Variants in SAMD5 observed in about 807,000 individuals in gnomAD.
The protein encoded by SAMD5 is sterile alpha motif domain containing 5.
SAMD5 carries 13 observed loss-of-function variants against 11.3 expected under a neutral mutation model. That is an observed-to-expected ratio of 1.15 (90% CI 0.75 to 1.83). SAMD5 has a LOEUF of 1.83. SAMD5 is among the 40% of genes most tolerant of loss of function. SAMD5 has a pLI of 0.00. For synonymous variants in SAMD5, 129 were observed against 111.3 expected (o/e 1.16, Z -1.00); for missense variants, 255 against 239.1 (o/e 1.07, Z -0.44).
the SAMD5 span, among the ~76,000 whole-genome samples, chr6:147,804,827 C>A: frequency 6.6e-6 from 1 of 152,162 alleles, no homozygotes; most frequent in African/African-American, 2.4e-5. Flanking sequence ...TGGATTGCTC[C>A]CAGCATATAA....
the SAMD5 span, among the ~76,000 whole-genome samples, chr6:147,920,029 A>G: frequency 6.6e-6 from 1 of 152,212 alleles, no homozygotes; most frequent in East Asian, 1.9e-4. Flanking sequence ...ACTGACCTTA[A>G]AAATCATTTT....
chr6:147,749,912 A>C, the SAMD5 span, among the ~76,000 whole-genome samples: 1 of 152,080 alleles, frequency 6.6e-6, no homozygotes, highest in Non-Finnish European at 1.5e-5. Flanking sequence ...CTTAAATAAA[A>C]CCCGCTTATT....
At chr6:147,633,354 C>T (rs1258298255) in intron 1 of SAMD5, among the ~76,000 whole-genome samples, 1 of 152,084 alleles carries the variant, frequency 6.6e-6, no homozygotes, top group South Asian at 2.1e-4. Context: ...TTTCCTGACC[C>T]GAGGGCTCTT....
the SAMD5 span, among the ~76,000 whole-genome samples, chr6:147,926,820 T>C: frequency 6.6e-6 from 1 of 152,210 alleles, no homozygotes; most frequent in Non-Finnish European, 1.5e-5. Context: ...TACATTTAAG[T>C]CTTTAATCCA....
intron 1 of SAMD5, among the ~76,000 whole-genome samples, chr6:147,555,550 G>A (rs574184048): frequency 2.0e-4 from 30 of 152,230 alleles, no homozygotes; most frequent in Middle Eastern, 3.4e-3. Flanking sequence ...GCTACCTTGG[G>A]TGGTGATATT....
At chr6:147,513,172 C>T (rs1788115673) in intron 1 of SAMD5, among the ~76,000 whole-genome samples, 2 of 152,164 alleles carry the variant, frequency 1.3e-5, no homozygotes, top group Non-Finnish European at 2.9e-5. Context: ...GGCAGCTGGT[C>T]TTGGGTGGCC....
At chr6:147,827,391 A>G in the SAMD5 span, among the ~76,000 whole-genome samples, 4,385 of 152,258 alleles carry the variant, frequency 0.029, 73 homozygotes, top group Middle Eastern at 0.048. Context: ...CAGTAAGTCA[A>G]CTGAGAAAAA....
chr6:147,896,874 A>G, the SAMD5 span, among the ~76,000 whole-genome samples: 1 of 152,062 alleles, frequency 6.6e-6, no homozygotes, highest in Non-Finnish European at 1.5e-5. Context: ...CAGAGCATGG[A>G]CGAACCTCAA....
the SAMD5 span, among the ~76,000 whole-genome samples, chr6:147,855,117 C>T: frequency 3.9e-5 from 6 of 152,012 alleles, no homozygotes; most frequent in East Asian, 1.9e-4. Context: ...CTGCATTATA[C>T]GGTATAAATG....
chr6:147,587,024 C>T (rs1789384236), intron 1 of SAMD5, among the ~76,000 whole-genome samples: 1 of 152,018 alleles, frequency 6.6e-6, no homozygotes, highest in Non-Finnish European at 1.5e-5. Flanking sequence ...CAGTGAATAT[C>T]AACAAAATGA....
chr6:147,865,628 T>C, the SAMD5 span, among the ~76,000 whole-genome samples: 1 of 152,156 alleles, frequency 6.6e-6, no homozygotes, highest in African/African-American at 2.4e-5. Flanking sequence ...GATGCTTTCC[T>C]GACATTTTCT....
At chr6:147,854,371 A>ACC in the SAMD5 span, among the ~76,000 whole-genome samples, 57 of 152,302 alleles carry the variant, frequency 3.7e-4, no homozygotes, top group South Asian at 0.012. Context: ...GGTCACAGGG[A>ACC]CCCACTATAT....
chr6:147,682,159 C>T (rs1036700647), intron 1 of SAMD5, among the ~76,000 whole-genome samples: 1 of 152,114 alleles, frequency 6.6e-6, no homozygotes, highest in Non-Finnish European at 1.5e-5. Context: ...CCTGGGATCC[C>T]CCTCTTCCTC....
At position 147,568,019 on chromosome 6, in the gene SAMD5, C is replaced by T. The variant is rs967483226; in HGVS notation, c.*3563C>T. 23 of 985,396 alleles carry T rather than the reference C, an allele frequency of 2.3e-5. No individual in the cohort carries two copies. Among genetic ancestry groups the T allele is most frequent in the Non-Finnish European group, 2.8e-5 (23 of 829,928 alleles). 61.0% of individuals were successfully genotyped at this position (985,396 alleles called of 1,614,324 possible). On this transcript the variant is annotated 3_prime_UTR_variant, in exon 2 of 2. Coordinates refer to ENST00000367474, the MANE Select transcript of SAMD5 (RefSeq NM_001030060.3). The stretch of plus-strand genomic sequence containing the variant: ...ATGGACAGATTATATGAAGGTATTT[C>T]ATTAGCTTTCTTCTCTTTATGGCAG...
the SAMD5 span, among the ~76,000 whole-genome samples, chr6:147,777,765 AT>A: frequency 0.015 from 2,326 of 152,260 alleles, 52 homozygotes; most frequent in East Asian, 0.061. Flanking sequence ...ATCATACAAT[AT>A]TTGTGTGTTT....
the SAMD5 span, among the ~76,000 whole-genome samples, chr6:147,950,053 A>C: frequency 6.6e-6 from 1 of 152,224 alleles, no homozygotes; most frequent in Non-Finnish European, 1.5e-5. Flanking sequence ...ACTTCAAAAA[A>C]CAGATAGAAA....
In SAMD5 at chr6:147,515,275, G is replaced by A. The variant is rs150516421; in HGVS notation, c.459+5888G>A. Among the ~76,000 whole-genome samples the A allele has an allele frequency of 4.8e-5, 7 of 146,816 alleles. No homozygotes were observed. In the East Asian group the frequency reaches 6.3e-4, roughly 13 times the overall value. On this transcript the variant is annotated intron_variant, in intron 1 of 1. Transcript: ENST00000367474. Reference sequence around the variant, plus strand: ...CAGGAAGGAGACAAGAGCTTTGATGGTGTGGGGACTTCTGCCTTTGTGTAC... The same window carrying A: ...CAGGAAGGAGACAAGAGCTTTGATGATGTGGGGACTTCTGCCTTTGTGTAC...
chr6:147,869,947 C>T, the SAMD5 span, among the ~76,000 whole-genome samples: 1 of 152,074 alleles, frequency 6.6e-6, no homozygotes, highest in East Asian at 1.9e-4. Context: ...AACTCCTGGG[C>T]TCAAGTGATC....
chr6:147,822,292 C>A, the SAMD5 span, among the ~76,000 whole-genome samples: 2 of 152,142 alleles, frequency 1.3e-5, no homozygotes, highest in Non-Finnish European at 2.9e-5. Context: ...TATTATTTGA[C>A]AATTGTTATT....
Sources: allele counts gnomAD v4.1 joint callset (sites outside exome capture counted in the v4.1 genomes callset), GRCh38; gene constraint gnomAD v4.1.1; transcripts MANE v1.5; gene names NCBI Gene and HGNC (gene_info 2026-07-23, HGNC 2026-07-21).